The following CHRM3 variants were observed in gnomAD, a reference collection of about 807,000 sequenced individuals.
CHRM3 encodes the protein muscarinic acetylcholine receptor M3.
CHRM3 carries 11 observed loss-of-function variants against 41.8 expected under a neutral mutation model. The ratio of observed to expected loss-of-function variants is 0.26; its 90% CI spans 0.17 to 0.44. The LOEUF (loss-of-function observed/expected upper bound fraction) is 0.44, where lower values mean the gene tolerates loss of function less well. Ranked by LOEUF, CHRM3 falls within the 20% of genes least tolerant of loss-of-function variation. The pLI, the probability that CHRM3 is intolerant of heterozygous loss-of-function variation, is 1.00. For missense variants in CHRM3, 571 were observed against 745.4 expected (o/e 0.77, Z 2.72); for synonymous variants, 297 against 301.4 (o/e 0.99, Z 0.15).
chr1:239,487,547 A>G (rs1667258624), intron 1 of CHRM3, among the ~76,000 whole-genome samples: 1 of 152,142 alleles, frequency 6.6e-6, no homozygotes, highest in Admixed American at 6.5e-5. Flanking sequence ...TTCAGACTTC[A>G]CTGTGAGATT....
intron 5 of CHRM3, among the ~76,000 whole-genome samples, chr1:239,762,488 T>G (rs1039273254): frequency 3.3e-5 from 5 of 152,214 alleles, no homozygotes; most frequent in Admixed American, 6.5e-5. Context: ...ATAGATTAAG[T>G]GCTCCAAGGG....
chr1:239,472,522 A>G (rs1666195783), intron 1 of CHRM3, among the ~76,000 whole-genome samples: 1 of 152,240 alleles, frequency 6.6e-6, no homozygotes, highest in African/African-American at 2.4e-5. Context: ...AAGACTAGAC[A>G]AAATTTTTTA....
At chr1:239,684,637 C>T (rs1333371765) in intron 5 of CHRM3, among the ~76,000 whole-genome samples, 8 of 134,824 alleles carry the variant, frequency 5.9e-5, no homozygotes, top group Non-Finnish European at 1.2e-4. Context: ...GGCAACAGAG[C>T]GAGATTCCGT....
chr1:239,895,361 C>T (rs953392746), intron 6 of CHRM3, among the ~76,000 whole-genome samples: 1 of 152,188 alleles, frequency 6.6e-6, no homozygotes, highest in African/African-American at 2.4e-5. Flanking sequence ...GTCTCCAGTC[C>T]TCTGCTCTCC....
chr1:239,870,853 A>G (rs1448167736), intron 6 of CHRM3, among the ~76,000 whole-genome samples: 2 of 152,188 alleles, frequency 1.3e-5, no homozygotes, highest in Non-Finnish European at 2.9e-5. Context: ...TTTTTGACTC[A>G]AATGACATTC....
chr1:239,657,998 G>T (rs1003485783), intron 4 of CHRM3, among the ~76,000 whole-genome samples: 8 of 151,962 alleles, frequency 5.3e-5, no homozygotes, highest in Admixed American at 4.6e-4. Flanking sequence ...TACTTTTGGG[G>T]GACTATTTTT....
At chr1:239,771,637 T>C (rs1321719139) in intron 5 of CHRM3, among the ~76,000 whole-genome samples, 1 of 152,188 alleles carries the variant, frequency 6.6e-6, no homozygotes, top group Non-Finnish European at 1.5e-5. Flanking sequence ...ACATTTTCTG[T>C]ATAGGGGCAG....
intron 6 of CHRM3, among the ~76,000 whole-genome samples, chr1:239,889,672 G>C (rs1157625749): frequency 6.6e-6 from 1 of 152,126 alleles, no homozygotes; most frequent in Non-Finnish European, 1.5e-5. Context: ...TTTATCAGTG[G>C]TTCAGGAGAG....
chr1:239,558,454 A>G (rs894680392), intron 3 of CHRM3, among the ~76,000 whole-genome samples: 1 of 152,212 alleles, frequency 6.6e-6, no homozygotes, highest in African/African-American at 2.4e-5. Context: ...GTCTGATTTC[A>G]AGAAATTCTC....
chr1:239,702,292 C>G (rs1660756227), intron 5 of CHRM3, among the ~76,000 whole-genome samples: 1 of 152,142 alleles, frequency 6.6e-6, no homozygotes, highest in Admixed American at 6.5e-5. Flanking sequence ...TTCTGAAGAG[C>G]TGCCTACTTG....
chr1:239,738,132 AT>A (rs1664541493), intron 5 of CHRM3, among the ~76,000 whole-genome samples: 1 of 152,198 alleles, frequency 6.6e-6, no homozygotes, highest in Admixed American at 6.5e-5. Context: ...TGAGTTCACA[AT>A]TCCTCCACTA....
At chr1:239,690,874 A>G (rs1659651707) in intron 5 of CHRM3, among the ~76,000 whole-genome samples, 2 of 152,030 alleles carry the variant, frequency 1.3e-5, no homozygotes, top group African/African-American at 4.8e-5. Flanking sequence ...AAATGTATAT[A>G]TAGTGATCTG....
intron 1 of CHRM3, among the ~76,000 whole-genome samples, chr1:239,469,209 A>G (rs1448775244): frequency 1.3e-5 from 2 of 152,244 alleles, no homozygotes; most frequent in East Asian, 1.9e-4. Context: ...GTCAGATGAT[A>G]CAATCTCTGT....
intron 4 of CHRM3, among the ~76,000 whole-genome samples, chr1:239,675,308 G>T (rs1158033873): frequency 6.6e-6 from 1 of 152,170 alleles, no homozygotes; most frequent in Non-Finnish European, 1.5e-5. Context: ...TGCCCATTAG[G>T]TTTCTCAGAG....
At chr1:239,608,683 AC>A (rs1208182469) in intron 3 of CHRM3, among the ~76,000 whole-genome samples, 2 of 152,210 alleles carry the variant, frequency 1.3e-5, no homozygotes, top group Non-Finnish European at 2.9e-5. Flanking sequence ...CAGCACAGGA[AC>A]ACGAACGAAG....
chr1:239,581,885 C>T (rs981138331), intron 3 of CHRM3, among the ~76,000 whole-genome samples: 28 of 152,090 alleles, frequency 1.8e-4, no homozygotes, highest in African/African-American at 6.8e-4. Flanking sequence ...ACTTTACTTT[C>T]AACTGTAATA....
intron 1 of CHRM3, among the ~76,000 whole-genome samples, chr1:239,399,049 C>T (rs558393042): frequency 1.2e-4 from 19 of 152,102 alleles, no homozygotes; most frequent in African/African-American, 3.9e-4. Context: ...GCCTGAAGAC[C>T]CCAGGAACCA....
chr1:239,904,606 C>T (rs894631067), intron 6 of CHRM3, among the ~76,000 whole-genome samples: 14 of 152,278 alleles, frequency 9.2e-5, no homozygotes, highest in African/African-American at 2.9e-4. Context: ...CAGTGTGTAA[C>T]ACTTCCCAAA....
chr1:239,791,741 A>G (rs1669367907), intron 5 of CHRM3, among the ~76,000 whole-genome samples: 1 of 152,208 alleles, frequency 6.6e-6, no homozygotes, highest in Non-Finnish European at 1.5e-5. Flanking sequence ...CATTAGGCAC[A>G]TAGGCACAGA....
Sources: allele counts gnomAD v4.1 joint callset (sites outside exome capture counted in the v4.1 genomes callset), GRCh38; gene constraint gnomAD v4.1.1; transcripts MANE v1.5; gene names NCBI Gene and HGNC (gene_info 2026-07-23, HGNC 2026-07-21).